PLCB4: variants seen among roughly 807,000 people sequenced by gnomAD.
The protein encoded by PLCB4 is 1-phosphatidylinositol 4,5-bisphosphate phosphodiesterase beta-4.
A neutral mutation model predicts 178.8 loss-of-function variants in PLCB4; 77 were observed. The observed-to-expected ratio is 0.43, with a 90% CI of 0.36 to 0.52. The LOEUF (loss-of-function observed/expected upper bound fraction) is 0.52, where lower values mean the gene tolerates loss of function less well. Ranked by LOEUF, PLCB4 falls within the 20% of genes least tolerant of loss-of-function variation. PLCB4 has a pLI of 0.00. For synonymous variants in PLCB4, 496 were observed against 490.8 expected, an observed-to-expected ratio of 1.01 and a Z score of -0.14; for missense variants, 1,024 against 1,453.4, an observed-to-expected ratio of 0.70 and a Z score of 4.80.
chr20:9,476,679 A>G (rs773852538), intron 38 of PLCB4, 38 bp from the exon 39 acceptor site: 3 of 1,456,676 alleles, frequency 2.1e-6, no homozygotes, highest in African/African-American at 2.8e-5. Flanking sequence ...TTTTGTATGT[A>G]TGACTCAATT....
chr20:9,167,708 G>A (rs545189603), intron 2 of PLCB4, among the ~76,000 whole-genome samples: 2 of 152,272 alleles, frequency 1.3e-5, no homozygotes, highest in South Asian at 4.1e-4. Context: ...CATGGACAGA[G>A]GAGTGATGCT....
In PLCB4 at chr20:9,371,245, G is replaced by A. The variant is rs886056980; in HGVS notation, c.535G>A (p.Glu179Lys). The change falls in exon 10 of 40, where the codon GAA (glutamate) becomes AAA (lysine). Residue 179 changes from glutamate (E) to lysine (K), a missense_variant. By Grantham distance (56) the Glu-to-Lys change is moderately conservative. This residue lies in a region of PLCB4 where 225 missense variants were observed against 291.0 expected (regional missense o/e 0.77). Transcript: ENST00000378473. ...TAGAACATTTGCATCGGGAAAAACA[G>A]AAAAGGTGATCTTTCAAGCACTCAA... ...ITRTFASGKT[E>K]KVIFQALKEL... 109 of 1,610,200 alleles carry A rather than the reference G, an allele frequency of 6.8e-5. No homozygotes were observed. Among genetic ancestry groups the A allele is most frequent in the Non-Finnish European group, 9.0e-5 (106 of 1,176,576 alleles).
At chr20:9,393,447 G>T in intron 17 of PLCB4, 141 bp from the exon 18 acceptor site, 1 of 597,324 alleles carries the variant, frequency 1.7e-6, no homozygotes, top group Admixed American at 3.0e-5. Flanking sequence ...GTTGGGGAGT[G>T]AAAACAGAAG....
chr20:9,408,959 T>G, intron 23 of PLCB4, 98 bp from the exon 24 acceptor site: 3 of 1,061,670 alleles, frequency 2.8e-6, no homozygotes, highest in Non-Finnish European at 4.2e-6. Context: ...TCTACTTGTT[T>G]GTCATTGTTG....
At position 9,158,018 on chromosome 20, in the gene PLCB4, G is replaced by A. The variant is rs190408436; in HGVS notation, c.-78-59372G>A. Among the ~76,000 whole-genome samples, 589 of 152,202 alleles carry A rather than the reference G, an allele frequency of 3.9e-3. 1 individual carries two copies. The highest frequency in any genetic ancestry group is 0.014 in the African/African-American group (566 of 41,522). ...TACCTGTTCCACCATTTATCTTCAC[G>A]ATAACCCTTTGAAGTAGGTACTATC... On this transcript the variant is annotated intron_variant, in intron 2 of 39. Transcript: ENST00000378473.
chr20:9,229,224 G>A (rs566141209), intron 3 of PLCB4, among the ~76,000 whole-genome samples: 1 of 152,300 alleles, frequency 6.6e-6, no homozygotes, highest in African/African-American at 2.4e-5. Flanking sequence ...TTCATCCACT[G>A]TGAGAGTTTA....
chr20:9,267,791 A>G (rs1316484193), intron 3 of PLCB4, among the ~76,000 whole-genome samples: 3 of 152,138 alleles, frequency 2.0e-5, no homozygotes, highest in African/African-American at 4.8e-5. Flanking sequence ...TTGATTCATG[A>G]TGGCCCTGCC....
intron 35 of PLCB4, among the ~76,000 whole-genome samples, chr20:9,464,147 A>C (rs981462136): frequency 6.6e-6 from 1 of 152,236 alleles, no homozygotes; most frequent in Non-Finnish European, 1.5e-5. Context: ...GCAAAACTAC[A>C]TGGAAACAGA....
At chr20:9,327,236 C>T (rs893033882) in intron 4 of PLCB4, among the ~76,000 whole-genome samples, 13 of 150,490 alleles carry the variant, frequency 8.6e-5, no homozygotes, top group Admixed American at 5.9e-4. Flanking sequence ...GCCAGGAGTT[C>T]GAGTTCAGCC....
chr20:9,458,141 A>G lies in PLCB4; in HGVS notation c.3072+652A>G, dbSNP rs544044165. On this transcript the variant is annotated intron_variant, in intron 34 of 39. Coordinates refer to ENST00000378473, the MANE Select transcript of PLCB4 (RefSeq NM_001377142.1). ...ACAACAACTGTTAAAGAAAGCTCCCAAAAATAGCTGTGGTTGAACCAGCCA... is the reference window on the plus strand; with the variant it reads ...ACAACAACTGTTAAAGAAAGCTCCCGAAAATAGCTGTGGTTGAACCAGCCA... Among the ~76,000 whole-genome samples, 39 of 152,306 alleles carry G rather than the reference A, an allele frequency of 2.6e-4. No individual in the cohort carries two copies. In the South Asian group the frequency reaches 8.1e-3, roughly 32 times the overall value.
At chr20:9,343,951 A>G (rs2033523106) in intron 7 of PLCB4, among the ~76,000 whole-genome samples, 1 of 152,242 alleles carries the variant, frequency 6.6e-6, no homozygotes, top group South Asian at 2.1e-4. Context: ...CCAATGGTCC[A>G]GGCCAATATC....
chr20:9,226,961 A>G (rs959090855), intron 3 of PLCB4, among the ~76,000 whole-genome samples: 6 of 151,866 alleles, frequency 4.0e-5, no homozygotes, highest in African/African-American at 7.3e-5. Context: ...CACCAACACT[A>G]ATTTTTTGTT....
At chr20:9,252,930 C>G (rs1346430886) in intron 3 of PLCB4, among the ~76,000 whole-genome samples, 2 of 152,178 alleles carry the variant, frequency 1.3e-5, no homozygotes, top group Non-Finnish European at 2.9e-5. Context: ...AGTGACACCA[C>G]TGGCTTTCAT....
intron 3 of PLCB4, among the ~76,000 whole-genome samples, chr20:9,284,752 A>G (rs2094522861): frequency 6.6e-6 from 1 of 152,000 alleles, no homozygotes; most frequent in African/African-American, 2.4e-5. Flanking sequence ...AATAGACTAT[A>G]TAGTGTTTGC....
At chr20:9,157,761 C>T (rs189267167) in intron 2 of PLCB4, among the ~76,000 whole-genome samples, 1 of 152,052 alleles carries the variant, frequency 6.6e-6, no homozygotes, top group African/African-American at 2.4e-5. Context: ...TTACAAAATA[C>T]TAGTAATTTT....
intron 17 of PLCB4, among the ~76,000 whole-genome samples, chr20:9,391,872 C>A (rs2038175325): frequency 6.6e-6 from 1 of 152,186 alleles, no homozygotes; most frequent in Non-Finnish European, 1.5e-5. Context: ...CAGGGTTTCC[C>A]AGCAGGATCG....
At chr20:9,221,861 A>C (rs562626505) in intron 3 of PLCB4, among the ~76,000 whole-genome samples, 1 of 152,106 alleles carries the variant, frequency 6.6e-6, no homozygotes, top group Non-Finnish European at 1.5e-5. Context: ...TCTTACTAGG[A>C]ACATTTCCAG....
At chr20:9,236,315 C>G (rs532826579) in intron 3 of PLCB4, among the ~76,000 whole-genome samples, 1 of 152,300 alleles carries the variant, frequency 6.6e-6, no homozygotes, top group African/African-American at 2.4e-5. Context: ...CAACCGCCGC[C>G]TTCCAGAACA....
At chr20:9,069,575 G>C (rs1600198266) in intron 1 of PLCB4, among the ~76,000 whole-genome samples, 2 of 151,986 alleles carry the variant, frequency 1.3e-5, no homozygotes, top group Admixed American at 1.3e-4. Context: ...CTCTTCTGGG[G>C]AAATCATAGA....
Sources: gnomAD v4.1 joint callset for allele counts (sites outside exome capture counted in the v4.1 genomes callset) on GRCh38, gnomAD v4.1.1 for gene constraint, gnomAD v4.1.1 regional missense constraint, MANE v1.5 for transcripts, NCBI Gene and HGNC (gene_info 2026-07-23, HGNC 2026-07-21) for gene names.